Variants in SLF2 observed in about 807,000 individuals in gnomAD.
SLF2 encodes SMC5-SMC6 complex localization factor protein 2.
In SLF2, 68 loss-of-function variants were observed where a neutral mutation model predicts 124.3. The observed-to-expected ratio is 0.55, with a 90% CI of 0.45 to 0.67. The LOEUF (loss-of-function observed/expected upper bound fraction) is 0.67. SLF2 is among the 30% of genes least tolerant of loss of function. The pLI is 0.00. For synonymous variants in SLF2, 480 were observed against 478.8 expected (o/e 1.00, Z -0.03); for missense variants, 1,246 against 1,373.7 (o/e 0.91, Z 1.47).
chr10:100,929,816 T>C lies in SLF2; in HGVS notation c.2166-14T>C. ...GTAACAATTTGGTATTGATTGACTT[T>C]TTTTATGTTTCAGGGAATTTCTAAA... On this transcript the variant is annotated splice_polypyrimidine_tract_variant and intron_variant, in intron 7 of 19. Coordinates refer to ENST00000238961, the MANE Select transcript of SLF2 (RefSeq NM_018121.4). 2 of 1,563,286 alleles carry C rather than the reference T, an allele frequency of 1.3e-6. No homozygotes were observed. The highest frequency in any genetic ancestry group is 1.7e-6 in the Non-Finnish European group (2 of 1,157,606).
chr10:100,921,198 A>G (rs749924410), intron 4 of SLF2, among the ~76,000 whole-genome samples: 65 of 152,122 alleles, frequency 4.3e-4, no homozygotes, highest in Non-Finnish European at 7.4e-4. Flanking sequence ...TTAATAACCA[A>G]TCACCTATTA....
At chr10:100,917,646 G>A (rs1420627881) in intron 3 of SLF2, among the ~76,000 whole-genome samples, 1 of 152,136 alleles carries the variant, frequency 6.6e-6, no homozygotes, top group African/African-American at 2.4e-5. Context: ...GCGTGATCAT[G>A]TCTCATTGCA....
intron 11 of SLF2, among the ~76,000 whole-genome samples, chr10:100,941,606 A>C (rs1191105641): frequency 6.6e-6 from 1 of 152,010 alleles, no homozygotes; most frequent in Non-Finnish European, 1.5e-5. Context: ...AAACCTTTAT[A>C]CCCTATATTT....
At chr10:100,957,512 G>A (rs989161197) in intron 18 of SLF2, among the ~76,000 whole-genome samples, 5 of 151,118 alleles carry the variant, frequency 3.3e-5, no homozygotes, top group Non-Finnish European at 5.9e-5. Flanking sequence ...TACCATGCCC[G>A]GCAAATTTTT....
intron 6 of SLF2, among the ~76,000 whole-genome samples, chr10:100,928,094 AG>A (rs1849654641): frequency 7.3e-6 from 1 of 136,464 alleles, no homozygotes; most frequent in Non-Finnish European, 1.6e-5. Flanking sequence ...AGAGAGAGAG[AG>A]AGAGAGAGAA....
At chr10:100,926,099 A>T in intron 6 of SLF2, 80 bp downstream of exon 6, 2 of 1,609,992 alleles carry the variant, frequency 1.2e-6, no homozygotes, top group Non-Finnish European at 8.5e-7. Flanking sequence ...ACCTTTTTTA[A>T]AAAATCATGA....
chr10:100,951,448 C>T (rs1248748975), intron 17 of SLF2, among the ~76,000 whole-genome samples: 1 of 152,176 alleles, frequency 6.6e-6, no homozygotes, highest in African/African-American at 2.4e-5. Flanking sequence ...AGAACTGCTA[C>T]CATCTGTAGA....
chr10:100,951,432 C>T (rs1850211851), intron 17 of SLF2, among the ~76,000 whole-genome samples: 1 of 152,192 alleles, frequency 6.6e-6, no homozygotes, highest in Non-Finnish European at 1.5e-5. Context: ...CAGCAGGCTA[C>T]ACAGGAGAAC....
intron 17 of SLF2, among the ~76,000 whole-genome samples, chr10:100,952,453 A>C (rs1013483941): frequency 1.3e-5 from 2 of 151,694 alleles, no homozygotes; most frequent in African/African-American, 4.8e-5. Flanking sequence ...AGGCTGAAGC[A>C]GGAGAACTGC....
chr10:100,951,406 A>C (rs1850211322), intron 17 of SLF2, among the ~76,000 whole-genome samples: 1 of 152,228 alleles, frequency 6.6e-6, no homozygotes, highest in Non-Finnish European at 1.5e-5. Context: ...CTCCAGTAGA[A>C]ATGGCAGTCA....
chr10:100,926,043 T>G, intron 6 of SLF2, 24 bp downstream of exon 6: 2 of 1,614,244 alleles, frequency 1.2e-6, no homozygotes, highest in Non-Finnish European at 8.5e-7. Flanking sequence ...AAGATTAATT[T>G]GCTAAATTTA....
chr10:100,938,720 A>G lies in SLF2; in HGVS notation c.2638A>G (p.Asn880Asp). 6.2e-7 allele frequency: 1 copy of G among 1,612,406 alleles called. No individual in the cohort carries two copies. Among genetic ancestry groups the G allele is most frequent in the Non-Finnish European group, 8.5e-7 (1 of 1,179,566 alleles). ...CCTGGAGAATCTTCAGCCAGACTTT[A>G]ATGAAGACTATCTAGTGTAAGTTTT... ...FPLENLQPDF[N>D]EDYLVSETQT... The change falls in exon 11 of 20, where the codon AAT (asparagine) becomes GAT (aspartate). Residue 880 changes from asparagine (N) to aspartate (D), a missense_variant. Coordinates refer to ENST00000238961, the MANE Select transcript of SLF2 (RefSeq NM_018121.4).
chr10:100,948,262 G>A (rs1850142821), intron 15 of SLF2, among the ~76,000 whole-genome samples: 1 of 152,092 alleles, frequency 6.6e-6, no homozygotes, highest in Non-Finnish European at 1.5e-5. Context: ...TTAGATCATA[G>A]AGCTTAAATG....
At chr10:100,960,542 G>C (rs1423218726) in intron 19 of SLF2, among the ~76,000 whole-genome samples, 1 of 152,048 alleles carries the variant, frequency 6.6e-6, no homozygotes, top group Non-Finnish European at 1.5e-5. Context: ...ATGCCTATTG[G>C]TCATTTGTAT....
chr10:100,916,456 A>C (rs1483857125), intron 2 of SLF2, 114 bp from the exon 3 acceptor site: 1 of 921,608 alleles, frequency 1.1e-6, no homozygotes, highest in Non-Finnish European at 1.4e-6. Context: ...TGGTTTGAAA[A>C]TTTTTGTGGT....
At chr10:100,916,081 G>T in intron 2 of SLF2, 39 bp downstream of exon 2, 3 of 1,556,346 alleles carry the variant, frequency 1.9e-6, no homozygotes, top group Non-Finnish European at 2.7e-6. Context: ...GGGCTATTTT[G>T]GGGGTGAGGA....
intron 12 of SLF2, 33 bp downstream of exon 12, chr10:100,944,161 G>A (rs1249502528): frequency 4.3e-6 from 6 of 1,388,182 alleles, no homozygotes; most frequent in Non-Finnish European, 5.0e-6. Context: ...CTTCTGCTCA[G>A]AGCTAGAACC....
intron 9 of SLF2, 51 bp from the exon 10 acceptor site, chr10:100,937,351 G>GT (rs1416447191): frequency 1.4e-6 from 2 of 1,390,710 alleles, no homozygotes; most frequent in Non-Finnish European, 2.0e-6. Flanking sequence ...AATAATGAAT[G>GT]TTTGTGTTTT....
At chr10:100,925,809 A>G in intron 5 of SLF2, 140 bp from the exon 6 acceptor site, 1 of 819,566 alleles carries the variant, frequency 1.2e-6, no homozygotes, top group Non-Finnish European at 1.9e-6. Context: ...ATGATGGTGA[A>G]AATTATCCTT....
Sources: allele counts gnomAD v4.1 joint callset (sites outside exome capture counted in the v4.1 genomes callset), GRCh38; gene constraint gnomAD v4.1.1; transcripts MANE v1.5; gene names NCBI Gene and HGNC (gene_info 2026-07-23, HGNC 2026-07-21).